Variants in BABAM2 observed in about 807,000 individuals in gnomAD.
BABAM2 encodes BRISC and BRCA1-A complex member 2.
A neutral mutation model predicts 54.7 loss-of-function variants in BABAM2; 31 were observed. The observed-to-expected ratio is 0.57, with a 90% confidence interval of 0.43 to 0.77. BABAM2 has a LOEUF of 0.77. Ranked by LOEUF, BABAM2 falls within the 30% of genes least tolerant of loss-of-function variation. BABAM2 has a pLI of 0.00. For synonymous variants in BABAM2, 167 were observed against 162.9 expected, an observed-to-expected ratio of 1.03 and a Z score of -0.19; for missense variants, 364 against 455.8, an observed-to-expected ratio of 0.80 and a Z score of 1.83.
At chr2:28,270,338 C>A (rs1307331348) in intron 10 of BABAM2, among the ~76,000 whole-genome samples, 1 of 152,148 alleles carries the variant, frequency 6.6e-6, no homozygotes, top group African/African-American at 2.4e-5. Flanking sequence ...CCAGACTGGT[C>A]TCAAACTCCT....
chr2:28,327,527 G>A, intron 11 of BABAM2: 1 of 1,436,990 alleles, frequency 7.0e-7, no homozygotes, highest in Admixed American at 2.4e-5. Flanking sequence ...ATGGATCTCA[G>A]TCAGTTGTTG....
chr2:28,320,596 C>T (rs75867128), intron 11 of BABAM2, among the ~76,000 whole-genome samples: 1,991 of 152,360 alleles, frequency 0.013, 43 homozygotes, highest in African/African-American at 0.046. Flanking sequence ...TGGTGATGTC[C>T]TCACATTTAG....
intron 2 of BABAM2, among the ~76,000 whole-genome samples, chr2:27,919,688 A>G (rs1345663990): frequency 6.6e-6 from 1 of 152,202 alleles, no homozygotes; most frequent in African/African-American, 2.4e-5. Context: ...TAAGCTAAGC[A>G]TCTATCTGAA....
chr2:28,338,325 C>A, intron 11 of BABAM2, 125 bp from the exon 12 acceptor site: 1 of 909,984 alleles, frequency 1.1e-6, no homozygotes, highest in South Asian at 1.4e-5. Context: ...GAAGGCAAAT[C>A]CAACCCAAGA....
chr2:28,116,752 C>G (rs933685839), intron 6 of BABAM2, among the ~76,000 whole-genome samples: 6 of 152,200 alleles, frequency 3.9e-5, no homozygotes, highest in Non-Finnish European at 8.8e-5. Flanking sequence ...ACTTATTGAG[C>G]ACCTTCCTCA....
chr2:28,305,186 G>A (rs944359866), intron 11 of BABAM2, among the ~76,000 whole-genome samples: 7 of 152,044 alleles, frequency 4.6e-5, no homozygotes, highest in Non-Finnish European at 7.4e-5. Context: ...TCTTTATCAC[G>A]TTAAAGAAAT....
chr2:28,337,628 C>T (rs1452556237), intron 11 of BABAM2, among the ~76,000 whole-genome samples: 1 of 152,234 alleles, frequency 6.6e-6, no homozygotes, highest in Non-Finnish European at 1.5e-5. Flanking sequence ...CCCAGCCTAG[C>T]TTTCTTTCCA....
At position 28,113,069 on chromosome 2, in the gene BABAM2, T is replaced by C. The variant is rs534781614; in HGVS notation, c.571-16202T>C. On this transcript the variant is annotated intron_variant, in intron 6 of 11. Coordinates refer to ENST00000379624, the MANE Select transcript of BABAM2 (RefSeq NM_199191.3). ...GGGTTGTTTGTTATTTTCTTGTAAA[T>C]TTGTTTGAGTTCCTTGTAGATTCTG... 2.0e-5 allele frequency among the ~76,000 whole-genome samples: 3 copies of C among 152,348 alleles called. No individual in the cohort carries two copies. The South Asian group carries it at 6.2e-4, about 32-fold the overall frequency.
intron 10 of BABAM2, among the ~76,000 whole-genome samples, chr2:28,276,667 C>A (rs1425552644): frequency 6.6e-6 from 1 of 152,112 alleles, no homozygotes; most frequent in East Asian, 1.9e-4. Flanking sequence ...CTTGGATGCC[C>A]CAGCACTAAG....
chr2:27,911,883 G>A (rs1344178450), intron 2 of BABAM2, among the ~76,000 whole-genome samples: 1 of 152,164 alleles, frequency 6.6e-6, no homozygotes, highest in Non-Finnish European at 1.5e-5. Context: ...ATAGGAATAG[G>A]ACGTGCCTCC....
At chr2:28,042,476 G>A (rs1677182321) in intron 5 of BABAM2, among the ~76,000 whole-genome samples, 1 of 152,128 alleles carries the variant, frequency 6.6e-6, no homozygotes, top group South Asian at 2.1e-4. Context: ...AGTAAAGAAT[G>A]TTCCAGGAAA....
intron 7 of BABAM2, among the ~76,000 whole-genome samples, chr2:28,220,976 C>T (rs1680351581): frequency 6.6e-6 from 1 of 152,272 alleles, no homozygotes; most frequent in South Asian, 2.1e-4. Flanking sequence ...CTGTAATACT[C>T]CCTTCCTCTG....
At chr2:28,071,162 G>T (rs777877405) in intron 6 of BABAM2, among the ~76,000 whole-genome samples, 1 of 152,066 alleles carries the variant, frequency 6.6e-6, no homozygotes, top group African/African-American at 2.4e-5. Context: ...AGAAACCCTC[G>T]ACATTCTTTG....
intron 6 of BABAM2, among the ~76,000 whole-genome samples, chr2:28,112,135 TTCTTTCTTTCTTTACC>T (rs1668104801): frequency 2.3e-4 from 4 of 17,196 alleles, no homozygotes; most frequent in Non-Finnish European, 4.3e-4. Flanking sequence ...CTTTCTTTCT[TTCTTTCTTTCTTTACC>T]TCCCTCCCTC....
intron 5 of BABAM2, among the ~76,000 whole-genome samples, chr2:28,029,862 A>G (rs990776739): frequency 2.6e-5 from 4 of 152,194 alleles, no homozygotes; most frequent in African/African-American, 9.6e-5. Context: ...TGAAATGTTA[A>G]TATGTTTATA....
intron 6 of BABAM2, among the ~76,000 whole-genome samples, chr2:28,095,422 C>T (rs1180859348): frequency 2.6e-5 from 4 of 152,196 alleles, no homozygotes; most frequent in Non-Finnish European, 4.4e-5. Context: ...TCTACATGCT[C>T]ACCATTGTAG....
At chr2:28,049,480 A>C (rs1677843102) in intron 6 of BABAM2, among the ~76,000 whole-genome samples, 1 of 152,216 alleles carries the variant, frequency 6.6e-6, no homozygotes, top group South Asian at 2.1e-4. Context: ...CTATGACTGA[A>C]GTACTTGGAC....
chr2:28,286,649 T>C (rs911133572), intron 10 of BABAM2, among the ~76,000 whole-genome samples: 1 of 152,178 alleles, frequency 6.6e-6, no homozygotes, highest in Non-Finnish European at 1.5e-5. Flanking sequence ...TCCTAGTTGT[T>C]TTTCAAGGCC....
At chr2:28,193,373 T>G (rs1245163080) in intron 7 of BABAM2, among the ~76,000 whole-genome samples, 1 of 152,150 alleles carries the variant, frequency 6.6e-6, no homozygotes, top group Non-Finnish European at 1.5e-5. Context: ...CAACTCTGCC[T>G]TCACCGAGGG....
Sources: allele counts gnomAD v4.1 joint callset (sites outside exome capture counted in the v4.1 genomes callset), GRCh38; gene constraint gnomAD v4.1.1; transcripts MANE v1.5; gene names NCBI Gene and HGNC (gene_info 2026-07-23, HGNC 2026-07-21).